The following CFHR5 variants were observed in gnomAD, a reference collection of about 807,000 sequenced individuals.
The protein encoded by CFHR5 is complement factor H related 5.
CFHR5 carries 73 observed loss-of-function variants against 62.9 expected under a neutral mutation model. The ratio of observed to expected loss-of-function variants is 1.16; its 90% CI spans 0.96 to 1.41. The LOEUF is 1.41. Among genes scored for constraint, CFHR5 ranks in the 40% most tolerant of loss-of-function variants. The pLI, the probability that CFHR5 is intolerant of heterozygous loss-of-function variation, is 0.00. For missense variants in CFHR5, 779 were observed against 679.9 expected (o/e 1.15, Z -1.62); for synonymous variants, 249 against 227.2 (o/e 1.10, Z -0.86).
chr1:196,998,144 G>C lies in CFHR5; in HGVS notation c.987G>C (p.Lys329Asn). The change falls in exon 7 of 10, where the codon AAG becomes AAC. Residue 329 changes from lysine to asparagine, a missense_variant. Physicochemically the swap from Lys to Asn is moderately conservative, Grantham distance 94. Coordinates refer to ENST00000256785, the MANE Select transcript of CFHR5 (RefSeq NM_030787.4). ...LPMCVATHQL[K>N]RCKIAGVNIK... ...TTTTTATAGCAACACACCAACTTAA[G>C]AGGTGCAAAATAGCAGGAGTTAATA... is the stretch of plus-strand genomic sequence containing the variant. 4.5e-6 allele frequency: 7 copies of C among 1,552,002 alleles called. No individual in the cohort carries two copies. The highest frequency in any genetic ancestry group is 6.1e-6 in the Non-Finnish European group (7 of 1,144,356).
At chr1:197,006,103 A>G (rs1184863490) in intron 9 of CFHR5, among the ~76,000 whole-genome samples, 1 of 152,202 alleles carries the variant, frequency 6.6e-6, no homozygotes, top group African/African-American at 2.4e-5. Flanking sequence ...AGATGGTCCA[A>G]TAATTTAAAA....
chr1:196,981,932 A>G (rs1653553360), intron 1 of CFHR5, among the ~76,000 whole-genome samples: 6 of 151,992 alleles, frequency 3.9e-5, no homozygotes, highest in South Asian at 2.1e-4. Context: ...GACTTGCAGT[A>G]TAATAAACAT....
intron 3 of CFHR5, among the ~76,000 whole-genome samples, chr1:196,992,005 C>T (rs1284520461): frequency 6.6e-6 from 1 of 152,216 alleles, no homozygotes; most frequent in Admixed American, 6.5e-5. Flanking sequence ...GTGGAGTTTA[C>T]AGAAGCAGCA....
At chr1:196,977,506 A>C, upstream of CFHR5, 1 of 717,690 alleles carries the variant, frequency 1.4e-6, no homozygotes, top group Non-Finnish European at 2.6e-6. Flanking sequence ...ACAACCCTCC[A>C]TGAACTTTGA....
intron 7 of CFHR5, 39 bp from the exon 8 acceptor site, chr1:197,002,442 AC>A (rs1654176520): frequency 1.3e-6 from 2 of 1,525,248 alleles, no homozygotes; most frequent in Non-Finnish European, 1.8e-6. Flanking sequence ...TTTTTACTTA[AC>A]TTTTATTAAT....
At position 196,984,115 on chromosome 1, in the gene CFHR5, T is replaced by C. The variant is rs371596551; in HGVS notation, c.408T>C (p.Thr136=). The change falls in exon 3 of 10, where the codon ACT becomes ACC. Residue 136 remains threonine, a synonymous_variant. Transcript: ENST00000256785. Reference sequence around the variant, plus strand: ...CGTGTGTAGAACGGGGCTGGTCCACTCCTCCCATATGCAGCTTCACTAGTA... The same window carrying C: ...CGTGTGTAGAACGGGGCTGGTCCACCCCTCCCATATGCAGCTTCACTAGTA... ...NISCVERGWS[T]PPICSFTKGE... is the part of the protein sequence containing the mutation. 2 of 1,613,506 alleles carry C rather than the reference T, an allele frequency of 1.2e-6. No homozygotes were observed. Among genetic ancestry groups the C allele is most frequent in the Non-Finnish European group, 1.7e-6 (2 of 1,179,676 alleles).
rs757619029 is a variant in CFHR5, at chr1:197,008,549, G to T, written c.1576G>T (p.Asp526Tyr). 1.2e-6 allele frequency: 2 copies of T among 1,613,318 alleles called. No homozygotes were observed. Among genetic ancestry groups the T allele is most frequent in the Non-Finnish European group, 8.5e-7 (1 of 1,179,506 alleles). The change falls in exon 10 of 10, where the codon GAT (aspartate) becomes TAT (tyrosine). Residue 526 changes from aspartate (D) to tyrosine (Y), a missense_variant. Asp to Tyr is a radical substitution (Grantham distance 160, BLOSUM62 -3). Coordinates refer to ENST00000256785, the MANE Select transcript of CFHR5 (RefSeq NM_030787.4). The part of the protein sequence containing the change: ...KNNIQLKWRN[D>Y]GKLYAKTGDA... Reference sequence around the variant, plus strand: ...TAACATACAGTTAAAATGGAGAAACGATGGAAAACTCTATGCAAAAACAGG... The same window carrying T: ...TAACATACAGTTAAAATGGAGAAACTATGGAAAACTCTATGCAAAAACAGG...
chr1:196,999,703 A>ATAAATATATATATATATT (rs1654083628), intron 7 of CFHR5, among the ~76,000 whole-genome samples: 2 of 51,678 alleles, frequency 3.9e-5, no homozygotes, highest in African/African-American at 1.0e-4. Flanking sequence ...ATATATATAT[A>ATAAATATATATATATATT]TATATATATA....
In CFHR5 at chr1:196,982,721, G is replaced by C. The variant is rs576321579; in HGVS notation, c.59-164G>C. Among the ~76,000 whole-genome samples, 5 of 152,096 alleles carry C rather than the reference G, an allele frequency of 3.3e-5. 1 individual carries two copies. The South Asian group carries it at 1.0e-3, about 32-fold the overall frequency. ...TCAAATACTCTTCTATTCTTATTTA[G>C]GGATCTTTCTTCATTCCAAATTAGT... On this transcript the variant is annotated intron_variant, in intron 1 of 9. Coordinates refer to ENST00000256785, the MANE Select transcript of CFHR5 (RefSeq NM_030787.4).
At chr1:196,984,955 C>T (rs900370328) in intron 3 of CFHR5, among the ~76,000 whole-genome samples, 1 of 152,152 alleles carries the variant, frequency 6.6e-6, no homozygotes, top group African/African-American at 2.4e-5. Flanking sequence ...AACAGCTGGG[C>T]TTTCATTGAC....
intron 1 of CFHR5, among the ~76,000 whole-genome samples, chr1:196,978,609 T>A (rs2125024423): frequency 6.6e-6 from 1 of 152,298 alleles, no homozygotes; most frequent in Non-Finnish European, 1.5e-5. Context: ...AACCATAAAA[T>A]GCTTTCTTTT....
chr1:196,982,885 G>C lies in CFHR5; in HGVS notation c.59G>C (p.Gly20Ala), dbSNP rs780291353. The C allele has an allele frequency of 6.2e-7, 1 of 1,613,198 alleles. No individual in the cohort carries two copies. The highest frequency in any genetic ancestry group is 1.1e-5 in the South Asian group (1 of 90,964). The change falls in exon 2 of 10, where the codon GGA becomes GCA. Residue 20 changes from glycine to alanine, a missense_variant and splice_region_variant. Physicochemically the swap from Gly to Ala is moderately conservative, Grantham distance 60. Transcript: ENST00000256785. ...TTCAGTTTTGTGTTATTTTTCCCAG[G>C]AACACTTTGTGATTTTCCAAAAATA... is the stretch of plus-strand genomic sequence containing the variant. ...ISWVSTVGGE[G>A]TLCDFPKIHH...
In CFHR5 at chr1:196,999,133, TA is replaced by T. The variant is rs201688606; in HGVS notation, c.1147+831del. On this transcript the variant is annotated intron_variant, in intron 7 of 9. Coordinates refer to ENST00000256785, the MANE Select transcript of CFHR5 (RefSeq NM_030787.4). ...AATACACATTAATGATATAAAATACTAATTTATAGCAAAAAGTGTGATGTCA... is the reference window on the plus strand; with the variant it reads ...AATACACATTAATGATATAAAATACTATTTATAGCAAAAAGTGTGATGTCA... 9.0e-3 allele frequency among the ~76,000 whole-genome samples: 1,365 copies of T among 152,042 alleles called. 33 individuals carry two copies. The highest frequency in any genetic ancestry group is 0.03 in the African/African-American group (1,245 of 41,512).
chr1:197,000,498 T>C (rs1348443805), intron 7 of CFHR5, among the ~76,000 whole-genome samples: 1 of 152,208 alleles, frequency 6.6e-6, no homozygotes, highest in African/African-American at 2.4e-5. Context: ...ATGTGTAATG[T>C]TCTTTTTACC....
Position 196,977,597 on chromosome 1 carries a change from A to G in CFHR5, c.-68A>G, listed in dbSNP as rs753099679. ...AAGTCATGCTTGTAACTGTTAATGAAAGCAGATTTAAAGCAACACCACCAT... is the reference window on the plus strand; with the variant it reads ...AAGTCATGCTTGTAACTGTTAATGAGAGCAGATTTAAAGCAACACCACCAT... On this transcript the variant is annotated 5_prime_UTR_variant, in exon 1 of 10. Coordinates refer to ENST00000256785, the MANE Select transcript of CFHR5 (RefSeq NM_030787.4). 8.1e-7 allele frequency: 1 copy of G among 1,234,598 alleles called. No individual in the cohort carries two copies. The highest frequency in any genetic ancestry group is 1.7e-5 in the Admixed American group (1 of 59,562). The allele number at this position is 1,234,598 out of a possible 1,614,324, so 76.5% of individuals were successfully genotyped here.
Position 197,008,784 on chromosome 1 carries a change from GTGT to G in CFHR5, c.*106_*108del. 1 of 991,242 alleles carries G rather than the reference GTGT, an allele frequency of 1.0e-6. No homozygotes were observed. Among genetic ancestry groups the G allele is most frequent in the Non-Finnish European group, 1.6e-6 (1 of 632,164 alleles). The allele number at this position is 991,242 out of a possible 1,614,324, so 61.4% of individuals were successfully genotyped here. The stretch of plus-strand genomic sequence containing the variant: ...GTAGTTACTTCTTTTATTCTTTCAG[GTGT>G]TGTTTAACTCAGTTTTATTTAGAAC... On this transcript the variant is annotated 3_prime_UTR_variant, in exon 10 of 10. Coordinates refer to ENST00000256785, the MANE Select transcript of CFHR5 (RefSeq NM_030787.4).
intron 8 of CFHR5, among the ~76,000 whole-genome samples, chr1:197,003,398 T>C (rs1238295885): frequency 1.3e-5 from 2 of 152,070 alleles, no homozygotes; most frequent in Non-Finnish European, 2.9e-5. Context: ...AGGTGTGTAG[T>C]AGGCAACATT....
intron 3 of CFHR5, among the ~76,000 whole-genome samples, chr1:196,985,984 A>G (rs1284135517): frequency 6.6e-6 from 1 of 152,196 alleles, no homozygotes; most frequent in African/African-American, 2.4e-5. Context: ...TTCTCAGAAT[A>G]TTGCTGCCTT....
At chr1:196,997,658 T>C (rs1428293689) in intron 6 of CFHR5, among the ~76,000 whole-genome samples, 1 of 152,170 alleles carries the variant, frequency 6.6e-6, no homozygotes, top group Non-Finnish European at 1.5e-5. Context: ...GCTGAGCTTT[T>C]GAAATGTGAG....
Sources: gnomAD v4.1 joint callset for allele counts (sites outside exome capture counted in the v4.1 genomes callset) on GRCh38, gnomAD v4.1.1 for gene constraint, MANE v1.5 for transcripts, NCBI Gene and HGNC (gene_info 2026-07-23, HGNC 2026-07-21) for gene names.